Variants in ZBTB7C observed in about 807,000 individuals in gnomAD.
ZBTB7C encodes the protein zinc finger and BTB domain containing 7C.
In ZBTB7C, 8 loss-of-function variants were observed where a neutral mutation model predicts 25.7. The observed-to-expected ratio is 0.31, with a 90% CI of 0.18 to 0.56. ZBTB7C has a LOEUF of 0.56. Ranked by LOEUF, ZBTB7C falls within the 20% of genes least tolerant of loss-of-function variation. ZBTB7C has a pLI of 0.91. For synonymous variants in ZBTB7C, 394 were observed against 369.0 expected, an observed-to-expected ratio of 1.07 and a Z score of -0.78; for missense variants, 824 against 855.2, an observed-to-expected ratio of 0.96 and a Z score of 0.46.
chr18:48,119,695 A>G (rs1162202882), intron 3 of ZBTB7C, among the ~76,000 whole-genome samples: 1 of 152,184 alleles, frequency 6.6e-6, no homozygotes, highest in African/African-American at 2.4e-5. Context: ...GCTTAGGTCC[A>G]TCCTGGGTGC....
At chr18:48,280,867 T>TG (rs2044823739) in intron 2 of ZBTB7C, among the ~76,000 whole-genome samples, 1 of 148,544 alleles carries the variant, frequency 6.7e-6, no homozygotes, top group Non-Finnish European at 1.5e-5. Context: ...TTTTTTTTTT[T>TG]TTTTGAGACA....
chr18:48,334,676 C>T (rs1335871009), intron 2 of ZBTB7C, among the ~76,000 whole-genome samples: 2 of 152,160 alleles, frequency 1.3e-5, no homozygotes, highest in East Asian at 3.9e-4. Context: ...CCTCCAGTCC[C>T]AAAAAGAACA....
chr18:48,122,164 C>G (rs1225507267), intron 3 of ZBTB7C, among the ~76,000 whole-genome samples: 7 of 152,192 alleles, frequency 4.6e-5, no homozygotes, highest in Non-Finnish European at 1.0e-4. Context: ...CTTGGACCAA[C>G]AGCAATGCCA....
chr18:48,338,911 T>TGGGGG, intron 1 of ZBTB7C, among the ~76,000 whole-genome samples: 1 of 137,942 alleles, frequency 7.2e-6, no homozygotes, highest in Non-Finnish European at 1.6e-5. Context: ...TGTAGTTTGT[T>TGGGGG]GGGGGGGGGG....
At chr18:48,228,743 T>TCACACACACACACACACACACACA (rs34427342) in intron 2 of ZBTB7C, among the ~76,000 whole-genome samples, 1 of 135,836 alleles carries the variant, frequency 7.4e-6, no homozygotes. Flanking sequence ...TCTCTCTCTC[T>TCACACACACACACACACACACACA]CTCTCACACA....
rs1172766233 is a variant in ZBTB7C at position 48,198,549 on chromosome 18, C to T, written c.-78-12554G>A. Among the ~76,000 whole-genome samples the T allele has an allele frequency of 4.6e-5, 7 of 152,286 alleles. No individual in the cohort carries two copies. In the East Asian group the frequency reaches 1.4e-3, roughly 29 times the overall value. ...TGACGTGTCCAGCTTCTAGAGGCCACCACATTCCATGGCTCAGAGTTCCCT... is the reference window on the plus strand; with the variant it reads ...TGACGTGTCCAGCTTCTAGAGGCCATCACATTCCATGGCTCAGAGTTCCCT... On this transcript the variant is annotated intron_variant, in intron 2 of 4. Transcript: ENST00000590800.
At chr18:48,214,329 G>T (rs55710149) in intron 2 of ZBTB7C, among the ~76,000 whole-genome samples, 18,859 of 152,112 alleles carry the variant, frequency 0.12, 1,527 homozygotes, top group Non-Finnish European at 0.18. Flanking sequence ...GCAACCACCA[G>T]CTATTCTCTG....
At position 48,375,344 on chromosome 18, in the gene ZBTB7C, C is replaced by G. The variant is rs192197707; in HGVS notation, c.-304+33882G>C. 3.6e-3 allele frequency among the ~76,000 whole-genome samples: 547 copies of G among 152,296 alleles called. 2 individuals are homozygous for G. Among genetic ancestry groups the G allele is most frequent in the African/African-American group, 0.011 (473 of 41,562 alleles). On this transcript the variant is annotated intron_variant, in intron 1 of 4. Coordinates refer to ENST00000590800, the MANE Select transcript of ZBTB7C (RefSeq NM_001318841.2). ...GGAAGCATGAGATCGACCAGGAAAC[C>G]CAATTCCCAGGCCAAGCTGGACACA...
At chr18:48,200,239 A>G (rs918571880) in intron 2 of ZBTB7C, among the ~76,000 whole-genome samples, 12 of 152,156 alleles carry the variant, frequency 7.9e-5, no homozygotes, top group Non-Finnish European at 1.8e-4. Context: ...CGGTGACCCC[A>G]AATCATCCAC....
rs1413088007 is a variant in ZBTB7C at position 48,350,708 on chromosome 18, T to G, written c.-303-12310A>C. 8 of 152,368 alleles carry G rather than the reference T, an allele frequency of 5.3e-5. No individual in the cohort carries two copies. The East Asian group carries it at 9.6e-4, about 18-fold the overall frequency. The allele number at this position is 152,368 out of a possible 1,614,324, so 9.4% of individuals were successfully genotyped here. On this transcript the variant is annotated intron_variant, in intron 1 of 4. Coordinates refer to ENST00000590800, the MANE Select transcript of ZBTB7C (RefSeq NM_001318841.2). ...CCCACCACCCAGTTCCCCTCCCTGT[T>G]AACATTTCCTTGTGTTTCTATCCCA...
At chr18:48,298,269 G>C (rs2144726836) in intron 2 of ZBTB7C, among the ~76,000 whole-genome samples, 1 of 138,530 alleles carries the variant, frequency 7.2e-6, no homozygotes. Context: ...AATGGAGCGA[G>C]ACTCTGTCTC....
At chr18:48,380,888 T>G (rs2047621373) in intron 1 of ZBTB7C, among the ~76,000 whole-genome samples, 1 of 152,178 alleles carries the variant, frequency 6.6e-6, no homozygotes. Context: ...ACAATACTTC[T>G]GTAAGCCTAT....
At chr18:48,190,250 C>T (rs190743640) in intron 2 of ZBTB7C, among the ~76,000 whole-genome samples, 1 of 152,306 alleles carries the variant, frequency 6.6e-6, no homozygotes, top group Admixed American at 6.5e-5. Flanking sequence ...TGAATCAAGA[C>T]TCTGTAAGGA....
At chr18:48,264,365 C>T (rs148079170) in intron 2 of ZBTB7C, among the ~76,000 whole-genome samples, 152 of 151,052 alleles carry the variant, frequency 1.0e-3, no homozygotes, top group African/African-American at 3.5e-3. Context: ...AAGGAGCACT[C>T]GCCGCATGTC....
chr18:48,409,950 G>A (rs540119429), upstream of ZBTB7C, among the ~76,000 whole-genome samples: 391 of 147,194 alleles, frequency 2.7e-3, 2 homozygotes, highest in African/African-American at 0.01. Context: ...GGACCGCCGG[G>A]TATTTTTAGG....
At chr18:48,115,899 G>T (rs988307255) in intron 3 of ZBTB7C, among the ~76,000 whole-genome samples, 3 of 151,956 alleles carry the variant, frequency 2.0e-5, no homozygotes, top group African/African-American at 7.3e-5. Flanking sequence ...AAGAAAGGGC[G>T]GGGCATACCA....
chr18:48,349,800 G>A (rs1053358341), intron 1 of ZBTB7C, among the ~76,000 whole-genome samples: 3 of 152,200 alleles, frequency 2.0e-5, no homozygotes, highest in Non-Finnish European at 4.4e-5. Context: ...GGGGTACACA[G>A]TACTGGCATC....
chr18:48,223,271 C>T (rs17822218), intron 2 of ZBTB7C, among the ~76,000 whole-genome samples: 19,265 of 152,046 alleles, frequency 0.13, 1,570 homozygotes, highest in Non-Finnish European at 0.18. Flanking sequence ...CCAGTAGAGG[C>T]CCCCAGATAA....
In ZBTB7C at chr18:48,040,411, C is replaced by T. The variant is rs1207731184; in HGVS notation, c.697G>A (p.Glu233Lys). 6.2e-7 allele frequency: 1 copy of T among 1,611,038 alleles called. No individual in the cohort carries two copies. The highest frequency in any genetic ancestry group is 1.6e-4 in the Middle Eastern group (1 of 6,066). ...RDFSIESLLR[E>K]NLYPKANIPD... ...ATGTTGGCCTTGGGGTACAGGTTCT[C>T]CCTTAGCAGAGATTCGATGGAGAAG... Residue 233 changes from glutamate to lysine, a missense_variant, in exon 4 of 5, where the codon GAG becomes AAG. Transcript: ENST00000590800.
Sources: gnomAD v4.1 joint callset for allele counts (sites outside exome capture counted in the v4.1 genomes callset) on GRCh38, gnomAD v4.1.1 for gene constraint, MANE v1.5 for transcripts, NCBI Gene and HGNC (gene_info 2026-07-23, HGNC 2026-07-21) for gene names.